Variants in MAP1LC3C observed in about 807,000 individuals in gnomAD.
The protein encoded by MAP1LC3C is microtubule associated protein 1 light chain 3 gamma.
MAP1LC3C carries 12 observed loss-of-function variants against 10.4 expected under a neutral mutation model. The ratio of observed to expected loss-of-function variants is 1.15; its 90% CI spans 0.74 to 1.86. The LOEUF (loss-of-function observed/expected upper bound fraction) is 1.86, where lower values mean the gene tolerates loss of function less well. Ranked by LOEUF, MAP1LC3C falls within the 40% of genes most tolerant of loss-of-function variation. MAP1LC3C has a pLI of 0.00. For missense variants in MAP1LC3C, 177 were observed against 185.7 expected (o/e 0.95, Z 0.27); for synonymous variants, 70 against 69.0 (o/e 1.01, Z -0.07).
At chr1:241,997,226 C>T (rs1018885602) in intron 3 of MAP1LC3C, among the ~76,000 whole-genome samples, 1 of 152,072 alleles carries the variant, frequency 6.6e-6, no homozygotes, top group Non-Finnish European at 1.5e-5. Flanking sequence ...TCTCCCTTGG[C>T]CATCTTCCAT....
At chr1:241,999,386 G>C (rs1475037049), upstream of MAP1LC3C, among the ~76,000 whole-genome samples, 3 of 152,186 alleles carry the variant, frequency 2.0e-5, no homozygotes, top group Non-Finnish European at 4.4e-5. Flanking sequence ...CAGTAGCAAG[G>C]GGGGGTCCAA....
Position 241,998,761 on chromosome 1 carries a change from C to A in MAP1LC3C, c.114+15G>T. The A allele has an allele frequency of 6.2e-7, 1 of 1,614,010 alleles. No individual in the cohort carries two copies. Among genetic ancestry groups the A allele is most frequent in the Non-Finnish European group, 8.5e-7 (1 of 1,179,990 alleles). On this transcript the variant is annotated intron_variant, in intron 2 of 3. Coordinates refer to ENST00000357246, the MANE Select transcript of MAP1LC3C (RefSeq NM_001004343.3). ...CACCCCCACGCCCCCCAGCGGAAGT[C>A]CAGTGGTGTCTTACCGGGATTTTGT... is the stretch of plus-strand genomic sequence containing the variant.
chr1:241,996,429 G>A, intron 3 of MAP1LC3C, 44 bp from the exon 4 acceptor site: 1 of 1,515,458 alleles, frequency 6.6e-7, no homozygotes, highest in Non-Finnish European at 9.1e-7. Flanking sequence ...CTGCGAGACA[G>A]CCCAGGGATC....
chr1:242,001,136 G>A (rs896584084), upstream of MAP1LC3C, among the ~76,000 whole-genome samples: 2 of 152,106 alleles, frequency 1.3e-5, no homozygotes, highest in East Asian at 1.9e-4. Flanking sequence ...AATTAGCTGG[G>A]CGTTGTGGTG....
At chr1:241,998,417 G>GC (rs1290721504) in intron 3 of MAP1LC3C, 97 bp downstream of exon 3, 2 of 947,978 alleles carry the variant, frequency 2.1e-6, no homozygotes, top group Non-Finnish European at 3.4e-6. Context: ...CCCCTGACGT[G>GC]CCCCCATCCC....
Position 241,995,688 on chromosome 1 carries a change from G to T in MAP1LC3C, c.*475C>A, listed in dbSNP as rs928765814. Reference sequence around the variant, plus strand: ...AATCCCAGCACTTTGGGAGGCCGAGGTGGGTGGATCACCTGAGGTCAGGAG... The same window carrying T: ...AATCCCAGCACTTTGGGAGGCCGAGTTGGGTGGATCACCTGAGGTCAGGAG... On this transcript the variant is annotated 3_prime_UTR_variant, in exon 4 of 4. Transcript: ENST00000357246. The T allele has an allele frequency of 6.5e-6, 1 of 153,230 alleles. No homozygotes were observed. Among genetic ancestry groups the T allele is most frequent in the Admixed American group, 6.4e-5 (1 of 15,528 alleles). The allele number at this position is 153,230 out of a possible 1,614,324, so 9.5% of individuals were successfully genotyped here.
chr1:241,998,714 T>G, intron 2 of MAP1LC3C, 62 bp downstream of exon 2: 1 of 1,612,260 alleles, frequency 6.2e-7, no homozygotes, highest in Non-Finnish European at 8.5e-7. Flanking sequence ...TCTTGGTTTT[T>G]CAGAGAACAG....
chr1:242,000,297 G>C (rs1665173053), upstream of MAP1LC3C, among the ~76,000 whole-genome samples: 2 of 152,222 alleles, frequency 1.3e-5, no homozygotes, highest in African/African-American at 4.8e-5. Flanking sequence ...CTGGAATGTA[G>C]TGGCACGATC....
intron 3 of MAP1LC3C, among the ~76,000 whole-genome samples, chr1:241,996,715 A>C (rs1473646851): frequency 6.6e-6 from 1 of 151,746 alleles, no homozygotes; most frequent in African/African-American, 2.4e-5. Context: ...GAGGTCAAGA[A>C]ATCGAGGCCA....
At chr1:241,998,446 C>T in intron 3 of MAP1LC3C, 68 bp downstream of exon 3, 1 of 1,388,360 alleles carries the variant, frequency 7.2e-7, no homozygotes, top group South Asian at 1.2e-5. Flanking sequence ...AACTGCCAAA[C>T]GAAGAAAGCC....
upstream of MAP1LC3C, among the ~76,000 whole-genome samples, chr1:241,999,741 G>A (rs915568612): frequency 6.6e-6 from 1 of 152,086 alleles, no homozygotes; most frequent in Non-Finnish European, 1.5e-5. Context: ...CCCAGGATGC[G>A]GAGGTTGTAG....
In MAP1LC3C at chr1:241,998,793, A is replaced by T. The variant is rs1404691234; in HGVS notation, c.97T>A (p.Phe33Ile). The change falls in exon 2 of 4, where the codon TTC becomes ATC. Residue 33 changes from phenylalanine (F) to isoleucine (I), a missense_variant. Phe to Ile is a conservative substitution (Grantham distance 21). Coordinates refer to ENST00000357246, the MANE Select transcript of MAP1LC3C (RefSeq NM_001004343.3). ...TGTCTTACCGGGATTTTGTTGGGGA[A>T]CTTTGCCCGGATTCCAGCAACTTCC... ...QEEVAGIRAK[F>I]PNKIPVVVER... 1 of 1,613,992 alleles carries T rather than the reference A, an allele frequency of 6.2e-7. No individual in the cohort carries two copies. The highest frequency in any genetic ancestry group is 8.5e-7 in the Non-Finnish European group (1 of 1,180,042).
intron 3 of MAP1LC3C, 124 bp from the exon 4 acceptor site, chr1:241,996,509 G>C (rs556403493): frequency 5.1e-6 from 4 of 779,532 alleles, no homozygotes; most frequent in Non-Finnish European, 8.1e-6. Context: ...GAACTACAAG[G>C]CTTCCCATTT....
upstream of MAP1LC3C, among the ~76,000 whole-genome samples, chr1:242,000,098 T>G (rs539256977): frequency 3.3e-5 from 5 of 152,272 alleles, no homozygotes; most frequent in East Asian, 9.7e-4. Flanking sequence ...AGCAATCACT[T>G]CTACAGTGGA....
upstream of MAP1LC3C, among the ~76,000 whole-genome samples, chr1:242,000,203 C>G (rs113774064): frequency 4.6e-3 from 705 of 152,302 alleles, 2 homozygotes; most frequent in African/African-American, 0.016. Flanking sequence ...GACTGTCCCC[C>G]ACTTTCAATG....
rs1270311231 is a variant in MAP1LC3C at position 241,996,206 on chromosome 1, C to G, written c.401G>C (p.Arg134Thr). ...TFGCLESAAPRDGSSLEDRPC... is the reference protein window; with the variant it reads ...TFGCLESAAPTDGSSLEDRPC... ...TCTGTCCTCAAGGCTGCTCCCATCC[C>G]TGGGGGCTGCTGACTCCAGGCAGCC... The change falls in exon 4 of 4, where the codon AGG (arginine) becomes ACG (threonine). Residue 134 changes from arginine to threonine, a missense_variant. Coordinates refer to ENST00000357246, the MANE Select transcript of MAP1LC3C (RefSeq NM_001004343.3). 6.2e-7 allele frequency: 1 copy of G among 1,614,002 alleles called. No homozygotes were observed. The highest frequency in any genetic ancestry group is 1.3e-5 in the African/African-American group (1 of 74,908).
chr1:241,998,911 T>A, intron 1 of MAP1LC3C, 40 bp downstream of exon 1: 1 of 1,612,850 alleles, frequency 6.2e-7, no homozygotes, highest in Non-Finnish European at 8.5e-7. Flanking sequence ...GATCCGCTCC[T>A]CTCTTTAGAT....
At chr1:241,998,021 CTTTT>C (rs58237405) in intron 3 of MAP1LC3C, among the ~76,000 whole-genome samples, 43,347 of 95,528 alleles carry the variant, frequency 0.45, 7,960 homozygotes, top group South Asian at 0.56. Flanking sequence ...TAGAGTAATT[CTTTT>C]TTTTTTTTTT....
Position 241,999,014 on chromosome 1 carries a change from T to A in MAP1LC3C, c.-6A>T, listed in dbSNP as rs762961931. On this transcript the variant is annotated 5_prime_UTR_variant, in exon 1 of 4. Transcript: ENST00000357246. ...ATTTTCTGTGGAGGCGGCATTGCAC[T>A]CAGTAGCTGTGTCTGTTTTAAAAAA... The A allele has an allele frequency of 2.3e-5, 37 of 1,601,246 alleles. No individual in the cohort carries two copies. The highest frequency in any genetic ancestry group is 3.0e-5 in the Non-Finnish European group (35 of 1,177,156).
Sources: allele counts gnomAD v4.1 joint callset (sites outside exome capture counted in the v4.1 genomes callset), GRCh38; gene constraint gnomAD v4.1.1; transcripts MANE v1.5; gene names NCBI Gene and HGNC (gene_info 2026-07-23, HGNC 2026-07-21).